Variants in GRM7 observed in about 807,000 individuals in gnomAD.
The protein encoded by GRM7 is glutamate metabotropic receptor 7, also known as metabotropic glutamate receptor 7.
GRM7 carries 35 observed loss-of-function variants against 84.5 expected under a neutral mutation model. That is an observed-to-expected ratio of 0.41 (90% CI 0.32 to 0.55). GRM7 has a LOEUF of 0.55. Among genes scored for constraint, GRM7 ranks in the 20% least tolerant of loss-of-function variants. The probability of loss-of-function intolerance (pLI) is 0.19; values close to 1 mark genes in which losing one functional copy is unlikely to be tolerated. For missense variants in GRM7, 1,003 were observed against 1,194.6 expected (o/e 0.84, Z 2.36); for synonymous variants, 487 against 455.1 (o/e 1.07, Z -0.89).
intron 1 of GRM7, among the ~76,000 whole-genome samples, chr3:7,048,281 A>G (rs1001418116): frequency 1.3e-5 from 2 of 152,010 alleles, no homozygotes. Context: ...TTGGGTTACC[A>G]TCTGACATTG....
intron 2 of GRM7, among the ~76,000 whole-genome samples, chr3:7,256,026 T>C (rs1698183055): frequency 6.6e-6 from 1 of 152,184 alleles, no homozygotes; most frequent in South Asian, 2.1e-4. Flanking sequence ...TGCCTGACTC[T>C]CGTAGGACCT....
At chr3:7,415,743 C>T (rs1696133291) in intron 5 of GRM7, among the ~76,000 whole-genome samples, 1 of 152,140 alleles carries the variant, frequency 6.6e-6, no homozygotes, top group East Asian at 1.9e-4. Context: ...TGAGTGACTC[C>T]TTTCTGCTAT....
intron 1 of GRM7, among the ~76,000 whole-genome samples, chr3:6,872,791 A>G (rs1695169658): frequency 6.6e-6 from 1 of 152,152 alleles, no homozygotes; most frequent in Non-Finnish European, 1.5e-5. Context: ...AAGGACATGA[A>G]CGCATCCATT....
At chr3:7,484,745 T>G (rs1396449983) in intron 7 of GRM7, among the ~76,000 whole-genome samples, 1 of 152,228 alleles carries the variant, frequency 6.6e-6, no homozygotes, top group African/African-American at 2.4e-5. Context: ...ATTTAGCCTC[T>G]AAAATGGTGT....
At chr3:7,165,804 C>CTGGG (rs1694781571) in intron 2 of GRM7, among the ~76,000 whole-genome samples, 1 of 152,144 alleles carries the variant, frequency 6.6e-6, no homozygotes, top group African/African-American at 2.4e-5. Flanking sequence ...GTTGTACTAT[C>CTGGG]TGGGTTTCAT....
chr3:7,530,154 C>T (rs1700981281), intron 7 of GRM7, among the ~76,000 whole-genome samples: 1 of 136,018 alleles, frequency 7.4e-6, no homozygotes, highest in African/African-American at 2.7e-5. Flanking sequence ...CATGTGTTCT[C>T]ATTGTTCAAC....
chr3:6,906,873 T>A (rs910515584), intron 1 of GRM7, among the ~76,000 whole-genome samples: 5 of 152,282 alleles, frequency 3.3e-5, no homozygotes, highest in Admixed American at 6.5e-5. Context: ...CTTACTTAGG[T>A]ATAATTGATA....
intron 4 of GRM7, among the ~76,000 whole-genome samples, chr3:7,348,765 C>G (rs1419733463): frequency 6.6e-6 from 1 of 152,076 alleles, no homozygotes; most frequent in Admixed American, 6.6e-5. Context: ...GAAACTATAG[C>G]AATAGGGCCT....
chr3:7,452,017 T>C (rs1697790043), intron 5 of GRM7, among the ~76,000 whole-genome samples: 1 of 152,072 alleles, frequency 6.6e-6, no homozygotes, highest in South Asian at 2.1e-4. Context: ...AAGAGGCCAT[T>C]GGTGGAGTGT....
At chr3:7,111,061 G>A (rs1410978614) in intron 1 of GRM7, among the ~76,000 whole-genome samples, 1 of 151,824 alleles carries the variant, frequency 6.6e-6, no homozygotes, top group African/African-American at 2.4e-5. Context: ...CAGAGACACA[G>A]AATGGAGAAA....
At chr3:7,590,649 A>G (rs976778211) in intron 8 of GRM7, among the ~76,000 whole-genome samples, 1 of 152,004 alleles carries the variant, frequency 6.6e-6, no homozygotes, top group Non-Finnish European at 1.5e-5. Flanking sequence ...CCCCAGGGCC[A>G]TTTCCTTCCC....
At chr3:6,917,194 A>G (rs1696970568) in intron 1 of GRM7, among the ~76,000 whole-genome samples, 1 of 152,110 alleles carries the variant, frequency 6.6e-6, no homozygotes, top group Non-Finnish European at 1.5e-5. Flanking sequence ...TTAGGACTAT[A>G]CCCAGCATTT....
At chr3:7,512,795 G>C (rs1700255910) in intron 7 of GRM7, among the ~76,000 whole-genome samples, 1 of 152,074 alleles carries the variant, frequency 6.6e-6, no homozygotes, top group South Asian at 2.1e-4. Context: ...TTGAGAAGGA[G>C]AAGACAGACG....
intron 2 of GRM7, among the ~76,000 whole-genome samples, chr3:7,204,183 A>G (rs1307133129): frequency 6.6e-6 from 1 of 152,180 alleles, no homozygotes; most frequent in Non-Finnish European, 1.5e-5. Flanking sequence ...TGGGTCACCC[A>G]CTCGAACATG....
At chr3:6,878,137 A>C (rs1330453551) in intron 1 of GRM7, among the ~76,000 whole-genome samples, 1 of 152,106 alleles carries the variant, frequency 6.6e-6, no homozygotes, top group Non-Finnish European at 1.5e-5. Flanking sequence ...CATGCCCCCC[A>C]AAAATCATTT....
intron 1 of GRM7, among the ~76,000 whole-genome samples, chr3:6,987,645 C>A (rs1317435557): frequency 2.6e-5 from 4 of 152,192 alleles, no homozygotes; most frequent in Admixed American, 6.5e-5. Flanking sequence ...CTAGATCATG[C>A]TAGTTCCTTG....
chr3:7,338,565 A>C (rs1430082529), intron 4 of GRM7, among the ~76,000 whole-genome samples: 1 of 152,150 alleles, frequency 6.6e-6, no homozygotes, highest in Non-Finnish European at 1.5e-5. Flanking sequence ...TGAATCGTTA[A>C]GTACAACAAG....
chr3:7,618,488 A>G (rs1458919812), intron 8 of GRM7, among the ~76,000 whole-genome samples: 2 of 152,138 alleles, frequency 1.3e-5, no homozygotes, highest in African/African-American at 4.8e-5. Flanking sequence ...TGCTTAAAGA[A>G]AAGGAATAGG....
intron 7 of GRM7, among the ~76,000 whole-genome samples, chr3:7,476,672 C>A (rs1031021175): frequency 4.6e-5 from 7 of 152,214 alleles, no homozygotes; most frequent in Non-Finnish European, 8.8e-5. Flanking sequence ...CCATGTCACT[C>A]TTCTATGTCA....
Sources: allele counts gnomAD v4.1 joint callset (sites outside exome capture counted in the v4.1 genomes callset), GRCh38; gene constraint gnomAD v4.1.1; transcripts MANE v1.5; gene names NCBI Gene and HGNC (gene_info 2026-07-23, HGNC 2026-07-21).